GRIK2: variants seen among roughly 807,000 people sequenced by gnomAD.
The protein encoded by GRIK2 is glutamate receptor ionotropic, kainate 2.
Under a neutral mutation model 100.3 loss-of-function variants are expected in GRIK2, and 32 were observed. That is an observed-to-expected ratio of 0.32 (90% confidence interval 0.24 to 0.43). The LOEUF is 0.43. Among genes scored for constraint, GRIK2 ranks in the 20% least tolerant of loss-of-function variants. The pLI, the probability that GRIK2 is intolerant of heterozygous loss-of-function variation, is 1.00. For synonymous variants in GRIK2, 417 were observed against 389.4 expected, an observed-to-expected ratio of 1.07 and a Z score of -0.83; for missense variants, 843 against 1,114.9, an observed-to-expected ratio of 0.76 and a Z score of 3.47.
chr6:101,657,293 C>A (rs1358240367), intron 4 of GRIK2, among the ~76,000 whole-genome samples: 3 of 152,140 alleles, frequency 2.0e-5, no homozygotes, highest in African/African-American at 7.2e-5. Flanking sequence ...ACAAGGGGCT[C>A]TTCCCCCTTT....
At chr6:101,904,162 G>A (rs1406071280) in intron 12 of GRIK2, among the ~76,000 whole-genome samples, 2 of 29,804 alleles carry the variant, frequency 6.7e-5, no homozygotes, top group East Asian at 9.7e-4. Context: ...TAACATATAA[G>A]TTCACTTCAA....
At chr6:101,419,021 C>T (rs745743136) in intron 2 of GRIK2, among the ~76,000 whole-genome samples, 3 of 152,154 alleles carry the variant, frequency 2.0e-5, no homozygotes, top group Admixed American at 6.5e-5. Context: ...TATCTTAACT[C>T]TGCCAAAATA....
At chr6:101,815,226 C>T (rs1199171060) in intron 9 of GRIK2, among the ~76,000 whole-genome samples, 1 of 152,126 alleles carries the variant, frequency 6.6e-6, no homozygotes, top group African/African-American at 2.4e-5. Context: ...CCATGATTGA[C>T]TCTGGGTGTA....
intron 14 of GRIK2, among the ~76,000 whole-genome samples, chr6:101,961,561 C>G (rs1331437675): frequency 6.6e-6 from 1 of 152,166 alleles, no homozygotes. Context: ...CCACCTGCTG[C>G]TGGGATGGAA....
At chr6:101,560,774 C>T (rs1776973328) in intron 2 of GRIK2, among the ~76,000 whole-genome samples, 2 of 152,156 alleles carry the variant, frequency 1.3e-5, no homozygotes, top group South Asian at 2.1e-4. Flanking sequence ...AAAAATACCT[C>T]ATGAAATCTC....
At chr6:101,949,175 T>G (rs1473943114) in intron 14 of GRIK2, among the ~76,000 whole-genome samples, 1 of 149,244 alleles carries the variant, frequency 6.7e-6, no homozygotes, top group East Asian at 1.9e-4. Flanking sequence ...AGAGAGCTTT[T>G]GTTGTTGTTG....
intron 4 of GRIK2, among the ~76,000 whole-genome samples, chr6:101,637,207 G>A (rs377553532): frequency 3.3e-5 from 5 of 151,480 alleles, no homozygotes; most frequent in African/African-American, 1.2e-4. Context: ...CATTTGACTC[G>A]TGTTTCTGTA....
intron 4 of GRIK2, among the ~76,000 whole-genome samples, chr6:101,637,651 G>T (rs1329980266): frequency 4.6e-5 from 7 of 152,120 alleles, no homozygotes; most frequent in African/African-American, 1.7e-4. Context: ...GTCTCATGAG[G>T]TCATTCCCAA....
chr6:101,864,983 T>C (rs927070564), intron 11 of GRIK2, among the ~76,000 whole-genome samples: 1 of 152,242 alleles, frequency 6.6e-6, no homozygotes, highest in Non-Finnish European at 1.5e-5. Context: ...TAAAGAGATT[T>C]GTGTTTTAAT....
chr6:101,882,762 A>G (rs960568179), intron 11 of GRIK2, among the ~76,000 whole-genome samples: 14 of 152,142 alleles, frequency 9.2e-5, no homozygotes, highest in African/African-American at 3.4e-4. Context: ...TAGATTTTGT[A>G]TAGTATGGGA....
At chr6:101,740,523 G>T (rs1775955355) in intron 7 of GRIK2, among the ~76,000 whole-genome samples, 4 of 152,164 alleles carry the variant, frequency 2.6e-5, no homozygotes, top group Admixed American at 2.6e-4. Context: ...GCTATGTTCA[G>T]AACGTAACTT....
At chr6:101,599,506 A>G (rs1027679982) in intron 2 of GRIK2, among the ~76,000 whole-genome samples, 2 of 151,654 alleles carry the variant, frequency 1.3e-5, no homozygotes, top group Non-Finnish European at 3.0e-5. Flanking sequence ...GTTTTCCACA[A>G]TGCCTGAACT....
chr6:101,894,418 A>C (rs1321298353), intron 12 of GRIK2, among the ~76,000 whole-genome samples: 1 of 151,762 alleles, frequency 6.6e-6, no homozygotes, highest in Admixed American at 6.6e-5. Flanking sequence ...ATTAAGAGTA[A>C]GGATTAGCCT....
At chr6:101,880,846 T>C (rs1786194087) in intron 11 of GRIK2, among the ~76,000 whole-genome samples, 1 of 152,016 alleles carries the variant, frequency 6.6e-6, no homozygotes, top group African/African-American at 2.4e-5. Flanking sequence ...ATATTTGATA[T>C]CAGAGATTCC....
chr6:102,031,120 CACACACA>C (rs1562124564), intron 14 of GRIK2, among the ~76,000 whole-genome samples: 42 of 121,660 alleles, frequency 3.5e-4, no homozygotes, highest in African/African-American at 1.2e-3. Context: ...CACACACACA[CACACACA>C]CCCCCTTTGA....
In GRIK2 at chr6:101,882,475, T is replaced by A. The variant is rs144471656; in HGVS notation, c.1525-7165T>A. ...TGTCATTAATGGCAAGTTTGATAAG[T>A]TTACTCAATATTATTTGAAATTATT... is the stretch of plus-strand genomic sequence containing the variant. On this transcript the variant is annotated intron_variant, in intron 11 of 16. Transcript: ENST00000369134. Among the ~76,000 whole-genome samples the A allele has an allele frequency of 3.0e-4, 45 of 152,202 alleles. No homozygotes were observed. The East Asian group carries it at 5.0e-3, about 17-fold the overall frequency.
intron 12 of GRIK2, among the ~76,000 whole-genome samples, chr6:101,897,700 C>T (rs1231168009): frequency 6.6e-6 from 1 of 151,724 alleles, no homozygotes; most frequent in African/African-American, 2.4e-5. Context: ...GTGCAGGAAG[C>T]CAGTGACATA....
chr6:101,990,351 G>T (rs1046640235), intron 14 of GRIK2, among the ~76,000 whole-genome samples: 7 of 151,640 alleles, frequency 4.6e-5, no homozygotes, highest in African/African-American at 9.7e-5. Flanking sequence ...AAGTCATACA[G>T]ATTTAAAATG....
In GRIK2 at chr6:101,451,704, G is replaced by C. The variant is rs991299231; in HGVS notation, c.115+52312G>C. Among the ~76,000 whole-genome samples the C allele has an allele frequency of 4.7e-5, 7 of 148,960 alleles. No individual in the cohort carries two copies. In the South Asian group the frequency reaches 1.5e-3, roughly 32 times the overall value. On this transcript the variant is annotated intron_variant, in intron 2 of 16. Coordinates refer to ENST00000369134, the MANE Select transcript of GRIK2 (RefSeq NM_021956.5). The stretch of plus-strand genomic sequence containing the variant: ...CCATTATTTATCTCTGAGGGGGGGG[G>C]GGGTGCCAAATACCTCCCACTTTTG...
Sources: allele counts gnomAD v4.1 joint callset (sites outside exome capture counted in the v4.1 genomes callset), GRCh38; gene constraint gnomAD v4.1.1; transcripts MANE v1.5; gene names NCBI Gene and HGNC (gene_info 2026-07-23, HGNC 2026-07-21).